The following ADCYAP1R1 variants were observed in gnomAD, a reference collection of about 807,000 sequenced individuals.
The protein encoded by ADCYAP1R1 is pituitary adenylate cyclase-activating polypeptide type I receptor.
In ADCYAP1R1, 44 loss-of-function variants were observed where a neutral mutation model predicts 67.6. The ratio of observed to expected loss-of-function variants is 0.65; its 90% CI spans 0.51 to 0.84. The LOEUF (loss-of-function observed/expected upper bound fraction) is 0.84. ADCYAP1R1 is among the 40% of genes least tolerant of loss of function. The pLI, the probability that ADCYAP1R1 is intolerant of heterozygous loss-of-function variation, is 0.00. For missense variants in ADCYAP1R1, 477 were observed against 587.9 expected, an observed-to-expected ratio of 0.81 and a Z score of 1.95; for synonymous variants, 222 against 219.6, an observed-to-expected ratio of 1.01 and a Z score of -0.10.
At chr7:31,070,190 GC>G (rs2128620584) in intron 3 of ADCYAP1R1, among the ~76,000 whole-genome samples, 1 of 152,348 alleles carries the variant, frequency 6.6e-6, no homozygotes, top group African/African-American at 2.4e-5. Context: ...AGGCCACACA[GC>G]CCCCAGGCTC....
At chr7:31,068,171 G>T (rs1317754115) in intron 3 of ADCYAP1R1, among the ~76,000 whole-genome samples, 4 of 152,014 alleles carry the variant, frequency 2.6e-5, no homozygotes, top group African/African-American at 9.7e-5. Context: ...CGGGCACTGG[G>T]TTCTCTGTCT....
chr7:31,063,328 G>T lies in ADCYAP1R1; in HGVS notation c.51+13G>T. The T allele has an allele frequency of 6.2e-7, 1 of 1,614,104 alleles. No individual in the cohort carries two copies. The highest frequency in any genetic ancestry group is 1.1e-5 in the South Asian group (1 of 91,078). On this transcript the variant is annotated intron_variant, in intron 2 of 15. Coordinates refer to ENST00000304166, the MANE Select transcript of ADCYAP1R1 (RefSeq NM_001118.5). ...CCTGCTGCCTATGGTAAGGGCCCAGGAACATCTCTCTGGGAGCCCCAGGCT... is the reference window on the plus strand; with the variant it reads ...CCTGCTGCCTATGGTAAGGGCCCAGTAACATCTCTCTGGGAGCCCCAGGCT...
intron 1 of ADCYAP1R1, among the ~76,000 whole-genome samples, chr7:31,054,099 T>C (rs549798974): frequency 2.6e-5 from 4 of 152,134 alleles, no homozygotes; most frequent in Non-Finnish European, 5.9e-5. Flanking sequence ...AGGCACCAGC[T>C]TGGACACAAG....
intron 2 of ADCYAP1R1, 118 bp from the exon 3 acceptor site, chr7:31,064,713 C>A (rs1293554920): frequency 2.6e-6 from 2 of 768,102 alleles, no homozygotes; most frequent in East Asian, 2.7e-5. Flanking sequence ...CTCTTGTCAC[C>A]CTCCTCTCTG....
chr7:31,079,087 C>G (rs1306475354), intron 4 of ADCYAP1R1, among the ~76,000 whole-genome samples: 1 of 152,166 alleles, frequency 6.6e-6, no homozygotes, highest in Non-Finnish European at 1.5e-5. Context: ...AGGCGATGCT[C>G]TACCCACAGG....
At chr7:31,065,373 A>AGAAGAAAGCAGCAGCAG (rs778599978) in intron 3 of ADCYAP1R1, among the ~76,000 whole-genome samples, 66 of 152,168 alleles carry the variant, frequency 4.3e-4, no homozygotes, top group Non-Finnish European at 8.4e-4. Flanking sequence ...CAGAAGCCAG[A>AGAAGAAAGCAGCAGCAG]GAAGAAAGCA....
chr7:31,087,760 G>A (rs954701958), intron 12 of ADCYAP1R1, 64 bp downstream of exon 12: 103 of 1,373,260 alleles, frequency 7.5e-5, no homozygotes, highest in Middle Eastern at 7.1e-4. Flanking sequence ...GGCACGCGAG[G>A]AAGAGAAATG....
Position 31,110,834 on chromosome 7 carries a change from G to A in ADCYAP1R1, c.*4150G>A, listed in dbSNP as rs564571230. Reference sequence around the variant, plus strand: ...AGTCCCACAGGCCAAGGATAAGGTTGAAATGAGACGGCTTGTGTGTGAAAA... The same window carrying A: ...AGTCCCACAGGCCAAGGATAAGGTTAAAATGAGACGGCTTGTGTGTGAAAA... On this transcript the variant is annotated 3_prime_UTR_variant, in exon 16 of 16. Coordinates refer to ENST00000304166, the MANE Select transcript of ADCYAP1R1 (RefSeq NM_001118.5). The A allele has an allele frequency of 6.6e-6, 1 of 152,330 alleles. No homozygotes were observed. Among genetic ancestry groups the A allele is most frequent in the African/African-American group, 2.4e-5 (1 of 41,580 alleles). 9.4% of individuals were successfully genotyped at this position (152,330 alleles called of 1,614,324 possible).
At chr7:31,084,037 A>G (rs149789156) in intron 6 of ADCYAP1R1, 104 bp from the exon 7 acceptor site, 38 of 934,478 alleles carry the variant, frequency 4.1e-5, no homozygotes, top group South Asian at 6.0e-5. Context: ...CCAGTTGGTC[A>G]TAGGGGTTTC....
intron 1 of ADCYAP1R1, among the ~76,000 whole-genome samples, chr7:31,056,694 C>T (rs1794260344): frequency 6.6e-6 from 1 of 152,136 alleles, no homozygotes; most frequent in African/African-American, 2.4e-5. Context: ...CTGCACTTTC[C>T]CCCTTCATCT....
chr7:31,098,609 G>C (rs1796301759), intron 13 of ADCYAP1R1, among the ~76,000 whole-genome samples: 1 of 151,014 alleles, frequency 6.6e-6, no homozygotes, highest in Admixed American at 6.7e-5. Flanking sequence ...TGGAAAAGGG[G>C]ATCTGTAGTG....
chr7:31,075,178 C>CT (rs535581499), intron 3 of ADCYAP1R1, among the ~76,000 whole-genome samples: 15 of 152,208 alleles, frequency 9.9e-5, no homozygotes, highest in Non-Finnish European at 2.2e-4. Context: ...ACCTCCCTGC[C>CT]TATGGAGGCC....
At chr7:31,073,852 TC>T (rs1464084739) in intron 3 of ADCYAP1R1, among the ~76,000 whole-genome samples, 1 of 151,994 alleles carries the variant, frequency 6.6e-6, no homozygotes, top group African/African-American at 2.4e-5. Flanking sequence ...GGTCCTGGGG[TC>T]CTGAGGTCTC....
intron 1 of ADCYAP1R1, among the ~76,000 whole-genome samples, chr7:31,062,979 C>G (rs1485786514): frequency 2.6e-5 from 4 of 152,204 alleles, no homozygotes; most frequent in Non-Finnish European, 4.4e-5. Flanking sequence ...AGTGTGTGCC[C>G]ACAGTATCGC....
rs1355542839 is a variant in ADCYAP1R1, at chr7:31,052,692, C to G, written c.-72+14C>G. ...CGCAGTGAGCAGGTAAGGGTCGCCC[C>G]GCCGCGGCTGCCCCTCCACGCCTCG... On this transcript the variant is annotated intron_variant, in intron 1 of 15. Transcript: ENST00000304166. The G allele has an allele frequency of 1.3e-5, 2 of 151,350 alleles. No individual in the cohort carries two copies. The highest frequency in any genetic ancestry group is 2.9e-5 in the Non-Finnish European group (2 of 67,980). 9.4% of individuals were successfully genotyped at this position (151,350 alleles called of 1,614,324 possible). A position where few individuals can be genotyped will look rare whatever the true frequency, so the allele number is the denominator to read the frequency against.
At chr7:31,085,778 C>A (rs1795721589) in intron 9 of ADCYAP1R1, among the ~76,000 whole-genome samples, 1 of 152,214 alleles carries the variant, frequency 6.6e-6, no homozygotes, top group African/African-American at 2.4e-5. Flanking sequence ...GCTTACCTAG[C>A]CCCTGGTCAT....
chr7:31,056,340 T>A (rs191621404), intron 1 of ADCYAP1R1, among the ~76,000 whole-genome samples: 73 of 152,240 alleles, frequency 4.8e-4, no homozygotes, highest in African/African-American at 1.8e-3. Context: ...GCTGCCCTCA[T>A]CTTTCTCCCT....
chr7:31,063,722 G>T (rs965439267), intron 2 of ADCYAP1R1, among the ~76,000 whole-genome samples: 1 of 152,136 alleles, frequency 6.6e-6, no homozygotes, highest in Non-Finnish European at 1.5e-5. Context: ...TGGGGATGGG[G>T]AGTGAGCAGA....
At chr7:31,084,637 G>T in intron 7 of ADCYAP1R1, 100 bp from the exon 8 acceptor site, 1 of 938,758 alleles carries the variant, frequency 1.1e-6, no homozygotes, top group Non-Finnish European at 1.8e-6. Context: ...AGGCCTGGAG[G>T]TGGGCAGGCC....
Sources: allele counts gnomAD v4.1 joint callset (sites outside exome capture counted in the v4.1 genomes callset), GRCh38; gene constraint gnomAD v4.1.1; transcripts MANE v1.5; gene names NCBI Gene and HGNC (gene_info 2026-07-23, HGNC 2026-07-21).